ECE1: variants seen among roughly 807,000 people sequenced by gnomAD.
ECE1 encodes endothelin-converting enzyme 1.
Under a neutral mutation model 98.6 loss-of-function variants are expected in ECE1, and 35 were observed. The ratio of observed to expected loss-of-function variants is 0.35; its 90% CI spans 0.27 to 0.47. ECE1 has a LOEUF of 0.47. ECE1 is among the 20% of genes least tolerant of loss of function. The pLI is 1.00. For missense variants in ECE1, 814 were observed against 1,025.3 expected (o/e 0.79, Z 2.81); for synonymous variants, 394 against 407.1 (o/e 0.97, Z 0.39).
In ECE1 at chr1:21,236,764, T is replaced by G. The variant is rs777900130; in HGVS notation, c.1470A>C (p.Arg490=). ...GCCTCACCTTTTCCTTGGCTGATTTTCGGGTTTCCTCATCCATCCACTTCA... is the reference window on the plus strand; with the variant it reads ...GCCTCACCTTTTCCTTGGCTGATTTGCGGGTTTCCTCATCCATCCACTTCA... The part of the protein sequence containing the change: ...STLKWMDEET[R]KSAKEKADAI... The change falls in exon 12 of 19, where the codon CGA becomes CGC. Residue 490 remains arginine, a synonymous_variant. Transcript: ENST00000374893. The G allele has an allele frequency of 6.2e-7, 1 of 1,614,022 alleles. No individual in the cohort carries two copies. The highest frequency in any genetic ancestry group is 2.2e-5 in the East Asian group (1 of 44,856).
chr1:21,304,824 T>C (rs936382368), intron 1 of ECE1, among the ~76,000 whole-genome samples: 1 of 151,664 alleles, frequency 6.6e-6, no homozygotes, highest in Non-Finnish European at 1.5e-5. Context: ...GAAAAAAAAA[T>C]GGAAAACTGA....
intron 1 of ECE1, among the ~76,000 whole-genome samples, chr1:21,317,576 T>C (rs1638857175): frequency 6.6e-6 from 1 of 152,204 alleles, no homozygotes; most frequent in South Asian, 2.1e-4. Context: ...CTGGAGCCCC[T>C]CTACTGCTCC....
At chr1:21,339,360 C>T (rs775821545) in intron 1 of ECE1, among the ~76,000 whole-genome samples, 43 of 152,192 alleles carry the variant, frequency 2.8e-4, no homozygotes, top group Admixed American at 6.5e-4. Flanking sequence ...CTATCCCTGT[C>T]CCAGTGGGCT....
At position 21,236,677 on chromosome 1, in the gene ECE1, C is replaced by A. The variant is rs1163707502; in HGVS notation, c.1488+69G>T. 2.0e-6 allele frequency: 3 copies of A among 1,471,310 alleles called. No homozygotes were observed. The African/African-American group carries it at 4.2e-5, about 20-fold the overall frequency. The allele number at this position is 1,471,310 out of a possible 1,614,324, so 91.1% of individuals were successfully genotyped here. ...AAAACAAACAAAAAAACCGGCCTCT[C>A]CTTCCCCCACCCTCCTCTATCTGTG... On this transcript the variant is annotated intron_variant, in intron 12 of 18. Transcript: ENST00000374893.
intron 1 of ECE1, among the ~76,000 whole-genome samples, chr1:21,339,667 A>G (rs574340491): frequency 9.9e-5 from 15 of 152,258 alleles, no homozygotes; most frequent in African/African-American, 2.9e-4. Context: ...CTTTTCATAC[A>G]AGCGCTCTAG....
At chr1:21,274,194 G>A (rs1396567115) in intron 3 of ECE1, among the ~76,000 whole-genome samples, 2 of 152,250 alleles carry the variant, frequency 1.3e-5, no homozygotes, top group Admixed American at 6.5e-5. Context: ...GCCCAGCTAT[G>A]TGGGAGGGCG....
chr1:21,224,703 C>T (rs920761391), intron 17 of ECE1, among the ~76,000 whole-genome samples: 3 of 152,284 alleles, frequency 2.0e-5, no homozygotes, highest in South Asian at 4.1e-4. Flanking sequence ...CATCTGACTC[C>T]GCGAGCATCT....
chr1:21,334,541 G>A (rs1041576672), intron 1 of ECE1, among the ~76,000 whole-genome samples: 5 of 152,190 alleles, frequency 3.3e-5, no homozygotes, highest in Admixed American at 1.3e-4. Context: ...CTCACTTCTC[G>A]GCAGGGTGTG....
At chr1:21,285,369 C>T (rs2098259345) in intron 2 of ECE1, among the ~76,000 whole-genome samples, 1 of 152,158 alleles carries the variant, frequency 6.6e-6, no homozygotes, top group Non-Finnish European at 1.5e-5. Context: ...GCCTCAGTCT[C>T]CCATCTCTAA....
At chr1:21,232,488 C>G (rs12023473) in intron 14 of ECE1, among the ~76,000 whole-genome samples, 1 of 151,526 alleles carries the variant, frequency 6.6e-6, no homozygotes, top group Admixed American at 6.6e-5. Flanking sequence ...TTTGTAGAGA[C>G]CACATCTCCC....
rs71014183 is a variant in ECE1 at position 21,304,315 on chromosome 1, CA to C, written c.4-14160del. Among the ~76,000 whole-genome samples the C allele has an allele frequency of 5.9e-3, 287 of 48,608 alleles. 1 individual carries two copies. Among genetic ancestry groups the C allele is most frequent in the African/African-American group, 0.023 (230 of 9,854 alleles). The allele number at this position is 48,608 out of a possible 152,430, so 31.9% of individuals were successfully genotyped here. A position where few individuals can be genotyped will look rare whatever the true frequency, so the allele number is the denominator to read the frequency against. ...TGGGCAACAGAGCGAGACTCCCTCT[CA>C]AAAAAAAAAAAAAAAAAAAAAAAAA... On this transcript the variant is annotated intron_variant, in intron 1 of 18. Transcript: ENST00000415912.
chr1:21,234,132 C>T (rs1396622059), intron 13 of ECE1, among the ~76,000 whole-genome samples: 3 of 151,808 alleles, frequency 2.0e-5, no homozygotes, highest in South Asian at 2.1e-4. Context: ...GGATTACAGG[C>T]GCATGCCACC....
intron 2 of ECE1, among the ~76,000 whole-genome samples, chr1:21,286,336 T>C (rs1390699099): frequency 6.6e-6 from 1 of 152,224 alleles, no homozygotes; most frequent in Non-Finnish European, 1.5e-5. Flanking sequence ...TCACTCATAG[T>C]GAGTTTCTGT....
At chr1:21,274,954 A>T (rs1007902645) in intron 3 of ECE1, among the ~76,000 whole-genome samples, 19 of 152,224 alleles carry the variant, frequency 1.2e-4, no homozygotes, top group African/African-American at 4.3e-4. Flanking sequence ...TCCACTCCCA[A>T]ACTCGGGGAA....
At chr1:21,257,637 G>GT in intron 6 of ECE1, 47 bp from the exon 7 acceptor site, 1 of 1,585,554 alleles carries the variant, frequency 6.3e-7, no homozygotes. Context: ...TGCAATGCGT[G>GT]TATCCACTGC....
intron 1 of ECE1, among the ~76,000 whole-genome samples, chr1:21,321,878 A>C (rs897465045): frequency 6.6e-6 from 1 of 152,154 alleles, no homozygotes; most frequent in African/African-American, 2.4e-5. Flanking sequence ...GGCCTCCCAA[A>C]GTGCTGGGAT....
At chr1:21,275,866 C>T (rs1236437018) in intron 3 of ECE1, among the ~76,000 whole-genome samples, 1 of 152,056 alleles carries the variant, frequency 6.6e-6, no homozygotes, top group East Asian at 1.9e-4. Context: ...GGCCCCTCAG[C>T]GGCCTGGGTG....
chr1:21,311,845 C>T (rs1477027636), intron 1 of ECE1, among the ~76,000 whole-genome samples: 4 of 151,220 alleles, frequency 2.6e-5, no homozygotes, highest in South Asian at 2.1e-4. Context: ...AAAAATTGGC[C>T]GGATACAGTG....
rs143382947 is a variant in ECE1 at position 21,263,012 on chromosome 1, C to T, written c.494-2620G>A. Among the ~76,000 whole-genome samples, 454 of 152,272 alleles carry T rather than the reference C, an allele frequency of 3.0e-3. 4 individuals carry two copies. The highest frequency in any genetic ancestry group is 3.7e-3 in the Non-Finnish European group (249 of 68,016). ...ACTCGCGGGAGCATCTGATTACGCACGGGGTGAACGCTGTGAGAACATCCC... is the reference window on the plus strand; with the variant it reads ...ACTCGCGGGAGCATCTGATTACGCATGGGGTGAACGCTGTGAGAACATCCC... On this transcript the variant is annotated intron_variant, in intron 4 of 18. Transcript: ENST00000374893.
Sources: allele counts gnomAD v4.1 joint callset (sites outside exome capture counted in the v4.1 genomes callset), GRCh38; gene constraint gnomAD v4.1.1; transcripts MANE v1.5; gene names NCBI Gene and HGNC (gene_info 2026-07-23, HGNC 2026-07-21).